Variants in RHOQ observed in about 807,000 individuals in gnomAD.
The protein encoded by RHOQ is ras homolog family member Q, also known as rho-related GTP-binding protein RhoQ.
RHOQ carries 7 observed loss-of-function variants against 25.8 expected under a neutral mutation model. The ratio of observed to expected loss-of-function variants is 0.27; its 90% confidence interval spans 0.15 to 0.51. The LOEUF (loss-of-function observed/expected upper bound fraction) is 0.51, where lower values mean the gene tolerates loss of function less well. RHOQ is among the 20% of genes least tolerant of loss of function. The probability of loss-of-function intolerance (pLI) is 0.97; values close to 1 mark genes in which losing one functional copy is unlikely to be tolerated. For missense variants in RHOQ, 165 were observed against 260.6 expected (o/e 0.63, Z 2.53); for synonymous variants, 97 against 98.6 (o/e 0.98, Z 0.10).
At chr2:46,544,616 T>C (rs1667989009) in intron 2 of RHOQ, among the ~76,000 whole-genome samples, 1 of 152,244 alleles carries the variant, frequency 6.6e-6, no homozygotes, top group Non-Finnish European at 1.5e-5. Flanking sequence ...TGTCTCCCTG[T>C]CCCAGCTTCA....
At chr2:46,564,150 A>G (rs1668658083) in intron 2 of RHOQ, among the ~76,000 whole-genome samples, 1 of 151,894 alleles carries the variant, frequency 6.6e-6, no homozygotes, top group African/African-American at 2.4e-5. Context: ...TACAAAAAAT[A>G]AAAAATTGGC....
At chr2:46,544,473 C>CT (rs1390647883) in intron 2 of RHOQ, among the ~76,000 whole-genome samples, 1 of 152,210 alleles carries the variant, frequency 6.6e-6, no homozygotes, top group Non-Finnish European at 1.5e-5. Context: ...GGCCAGGTGA[C>CT]TTTGTCTGGG....
intron 2 of RHOQ, among the ~76,000 whole-genome samples, chr2:46,559,179 A>C (rs528005172): frequency 1.3e-4 from 20 of 152,070 alleles, no homozygotes; most frequent in African/African-American, 4.8e-4. Context: ...GTTGTTTGGT[A>C]GAGAGGAAGT....
chr2:46,544,026 G>A (rs1667956747), intron 2 of RHOQ, among the ~76,000 whole-genome samples: 1 of 152,152 alleles, frequency 6.6e-6, no homozygotes, highest in Non-Finnish European at 1.5e-5. Context: ...TGAACCCCTG[G>A]GCTGTGAAAG....
At chr2:46,553,614 T>C (rs1668310932) in intron 2 of RHOQ, among the ~76,000 whole-genome samples, 1 of 151,816 alleles carries the variant, frequency 6.6e-6, no homozygotes. Context: ...AGAGTCTCGC[T>C]CTATCGCCCA....
At chr2:46,549,504 G>C (rs999133625) in intron 2 of RHOQ, among the ~76,000 whole-genome samples, 2 of 152,198 alleles carry the variant, frequency 1.3e-5, no homozygotes, top group Non-Finnish European at 2.9e-5. Flanking sequence ...GTGCTACAGA[G>C]GCCTCAGACA....
intron 2 of RHOQ, chr2:46,568,907 G>C (rs569338019): frequency 3.8e-4 from 58 of 152,300 alleles, no homozygotes; most frequent in African/African-American, 1.4e-3. Flanking sequence ...CATGAAATTT[G>C]TGCCAAAAAG....
chr2:46,543,422 T>C (rs1482514268), intron 1 of RHOQ: 9 of 594,166 alleles, frequency 1.5e-5, no homozygotes, highest in East Asian at 2.9e-5. Context: ...CCGCACTTCC[T>C]ACCCCTCGGC....
intron 1 of RHOQ, chr2:46,543,438 G>A: frequency 1.7e-6 from 1 of 601,346 alleles, no homozygotes; most frequent in Non-Finnish European, 2.9e-6. Context: ...TCGGCGCCCT[G>A]GGCCGTCCTC....
rs1186994002 is a variant in RHOQ, at chr2:46,556,687, T to C, written c.201+12875T>C. ...CGATCGGGTTCTTCCCCCGTAGGAGTTTACAGTCCAGTTGGAAGATGAATA... is the reference window on the plus strand; with the variant it reads ...CGATCGGGTTCTTCCCCCGTAGGAGCTTACAGTCCAGTTGGAAGATGAATA... On this transcript the variant is annotated intron_variant, in intron 2 of 4. Transcript: ENST00000238738. The surrounding 1 kb of genome is among the most constrained non-coding windows in gnomAD (Gnocchi z 4.9). 2.0e-5 allele frequency among the ~76,000 whole-genome samples: 3 copies of C among 151,734 alleles called. No homozygotes were observed. Among genetic ancestry groups the C allele is most frequent in the Non-Finnish European group, 4.4e-5 (3 of 67,962 alleles).
intron 2 of RHOQ, among the ~76,000 whole-genome samples, chr2:46,544,235 A>C (rs955290881): frequency 6.6e-6 from 1 of 152,220 alleles, no homozygotes; most frequent in Non-Finnish European, 1.5e-5. Flanking sequence ...AAATGGCATC[A>C]TCTAATATGA....
Position 46,566,543 on chromosome 2 carries a change from C to G in RHOQ, c.202-9544C>G, listed in dbSNP as rs1460449917. Among the ~76,000 whole-genome samples the G allele has an allele frequency of 6.6e-6, 1 of 152,200 alleles. No homozygotes were observed. The highest frequency in any genetic ancestry group is 1.5e-5 in the Non-Finnish European group (1 of 68,038). The stretch of plus-strand genomic sequence containing the variant: ...CAGCTGAATTACTATAATAACCTCT[C>G]CCCTTATAAGCCTGACTGCCTAATT... On this transcript the variant is annotated intron_variant, in intron 2 of 4. Coordinates refer to ENST00000238738, the MANE Select transcript of RHOQ (RefSeq NM_012249.4). The surrounding 1 kb of genome is among the most constrained non-coding windows in gnomAD (Gnocchi z 4.2).
intron 4 of RHOQ, among the ~76,000 whole-genome samples, chr2:46,578,606 A>T (rs970391672): frequency 7.6e-6 from 1 of 131,374 alleles, no homozygotes; most frequent in Non-Finnish European, 1.6e-5. Context: ...AAAAAAAAAA[A>T]TTAGCTGAGC....
chr2:46,549,776 C>T (rs1668182751), intron 2 of RHOQ, among the ~76,000 whole-genome samples: 1 of 152,142 alleles, frequency 6.6e-6, no homozygotes, highest in Admixed American at 6.5e-5. Flanking sequence ...TCAGGGGTCC[C>T]CCGGCTCCCT....
chr2:46,558,293 T>C (rs1458860336), intron 2 of RHOQ, among the ~76,000 whole-genome samples: 4 of 152,238 alleles, frequency 2.6e-5, no homozygotes, highest in Admixed American at 2.6e-4. Context: ...CAGGTCTTAC[T>C]GGTTTATTTC....
chr2:46,566,534 A>G lies in RHOQ; in HGVS notation c.202-9553A>G, dbSNP rs963307783. 3.9e-5 allele frequency among the ~76,000 whole-genome samples: 6 copies of G among 152,270 alleles called. 1 individual carries two copies. In the South Asian group the frequency reaches 1.0e-3, roughly 26 times the overall value. On this transcript the variant is annotated intron_variant, in intron 2 of 4. Coordinates refer to ENST00000238738, the MANE Select transcript of RHOQ (RefSeq NM_012249.4). The surrounding 1 kb of genome is among the most constrained non-coding windows in gnomAD (Gnocchi z 4.2). ...ATCTTCTCTCAGCTGAATTACTATA[A>G]TAACCTCTCCCCTTATAAGCCTGAC...
chr2:46,553,415 T>G (rs552678197), intron 2 of RHOQ, among the ~76,000 whole-genome samples: 7 of 152,176 alleles, frequency 4.6e-5, no homozygotes, highest in African/African-American at 1.7e-4. Context: ...GCATGCAATG[T>G]GAAATAAGCA....
intron 2 of RHOQ, among the ~76,000 whole-genome samples, chr2:46,544,657 G>A (rs1327194507): frequency 1.3e-5 from 2 of 152,232 alleles, no homozygotes; most frequent in African/African-American, 4.8e-5. Context: ...TTGCTCTGGG[G>A]ATAAGTTGTG....
intron 2 of RHOQ, among the ~76,000 whole-genome samples, chr2:46,572,283 A>G (rs1258968808): frequency 6.6e-6 from 1 of 151,584 alleles, no homozygotes; most frequent in Non-Finnish European, 1.5e-5. Flanking sequence ...TTGTATTTTT[A>G]GTAGAGACAG....
Sources: allele counts gnomAD v4.1 joint callset (sites outside exome capture counted in the v4.1 genomes callset), GRCh38; gene constraint gnomAD v4.1.1; non-coding constraint Gnocchi (gnomAD v3.1); transcripts MANE v1.5; gene names NCBI Gene and HGNC (gene_info 2026-07-23, HGNC 2026-07-21).